Variants in DCC observed in about 807,000 individuals in gnomAD.
The protein encoded by DCC is DCC netrin 1 receptor, also known as netrin receptor DCC.
In DCC, 58 loss-of-function variants were observed where a neutral mutation model predicts 172.5. The ratio of observed to expected loss-of-function variants is 0.34; its 90% CI spans 0.27 to 0.42. The LOEUF is 0.42. DCC is among the 10% of genes least tolerant of loss of function. DCC has a pLI of 1.00. For missense variants in DCC, 1,740 were observed against 1,791.0 expected (o/e 0.97, Z 0.51); for synonymous variants, 709 against 644.5 (o/e 1.10, Z -1.52).
chr18:52,605,583 T>A (rs1183227601), intron 1 of DCC, among the ~76,000 whole-genome samples: 2 of 152,134 alleles, frequency 1.3e-5, no homozygotes, highest in African/African-American at 4.8e-5. Flanking sequence ...GAGAACAGAG[T>A]GTAAAACATT....
At chr18:52,343,051 T>C (rs1983725791) in intron 1 of DCC, among the ~76,000 whole-genome samples, 1 of 152,210 alleles carries the variant, frequency 6.6e-6, no homozygotes, top group Non-Finnish European at 1.5e-5. Context: ...ATCTAAATCT[T>C]TAAACTTTTC....
chr18:53,071,673 A>T (rs1414915882), intron 7 of DCC, among the ~76,000 whole-genome samples: 1 of 152,164 alleles, frequency 6.6e-6, no homozygotes, highest in Non-Finnish European at 1.5e-5. Flanking sequence ...ATTGTTTATT[A>T]ATCTCTCCTT....
intron 2 of DCC, among the ~76,000 whole-genome samples, chr18:52,824,245 C>G (rs755544316): frequency 2.6e-5 from 4 of 152,060 alleles, no homozygotes; most frequent in Non-Finnish European, 5.9e-5. Flanking sequence ...TCCAAAATAA[C>G]TGGAAAGTTA....
intron 27 of DCC, among the ~76,000 whole-genome samples, chr18:53,522,801 C>T (rs180949909): frequency 1.6e-3 from 247 of 152,244 alleles, no homozygotes; most frequent in Non-Finnish European, 3.1e-3. Context: ...AGACCTAAAA[C>T]CATACAAACC....
chr18:53,269,446 C>A (rs8085053), intron 12 of DCC, among the ~76,000 whole-genome samples: 6,563 of 152,066 alleles, frequency 0.043, 427 homozygotes, highest in African/African-American at 0.15. Flanking sequence ...ACTATGACAC[C>A]CCCTCTCCAC....
chr18:52,654,643 G>A (rs894673691), intron 1 of DCC, among the ~76,000 whole-genome samples: 1 of 152,250 alleles, frequency 6.6e-6, no homozygotes, highest in East Asian at 1.9e-4. Context: ...ACCCAAAAAA[G>A]TTAAGGGCTT....
At chr18:53,107,541 G>GAAAAAAA (rs11458727) in intron 7 of DCC, among the ~76,000 whole-genome samples, 2 of 137,550 alleles carry the variant, frequency 1.5e-5, no homozygotes, top group Non-Finnish European at 3.1e-5. Context: ...AAAAAGGAAG[G>GAAAAAAA]AAAAAAAAAA....
chr18:52,449,757 C>T (rs1568175604), intron 1 of DCC, among the ~76,000 whole-genome samples: 1 of 152,154 alleles, frequency 6.6e-6, no homozygotes. Context: ...GGTCTTTTCT[C>T]ATGCTGTTCT....
chr18:52,924,132 T>C (rs1214856883), intron 4 of DCC, among the ~76,000 whole-genome samples: 8 of 152,164 alleles, frequency 5.3e-5, no homozygotes, highest in Non-Finnish European at 8.8e-5. Flanking sequence ...CAAAGAGTCT[T>C]CAGCAGAGAA....
intron 1 of DCC, among the ~76,000 whole-genome samples, chr18:52,625,213 T>C (rs2034551521): frequency 6.6e-6 from 1 of 152,218 alleles, no homozygotes; most frequent in Non-Finnish European, 1.5e-5. Flanking sequence ...GAAAATGTCA[T>C]TATGTAGCAT....
At position 52,953,669 on chromosome 18, in the gene DCC, A is replaced by C. The variant is rs2040694361; in HGVS notation, c.985+28299A>C. On this transcript the variant is annotated intron_variant, in intron 5 of 28. Transcript: ENST00000442544. ...TACGGCAGGCAGAAAGCTTCCTGCCAGGCGGTTATATTTACCACACAAATT... is the reference window on the plus strand; with the variant it reads ...TACGGCAGGCAGAAAGCTTCCTGCCCGGCGGTTATATTTACCACACAAATT... Among the ~76,000 whole-genome samples the C allele has an allele frequency of 2.0e-5, 3 of 152,234 alleles. No homozygotes were observed. In the South Asian group the frequency reaches 6.2e-4, roughly 31 times the overall value.
At chr18:52,605,917 C>T (rs563820877) in intron 1 of DCC, among the ~76,000 whole-genome samples, 3 of 151,982 alleles carry the variant, frequency 2.0e-5, no homozygotes, top group East Asian at 3.9e-4. Context: ...GAGTAATTGT[C>T]GTATCAATTA....
intron 2 of DCC, among the ~76,000 whole-genome samples, chr18:52,782,742 G>T (rs2145189115): frequency 6.6e-6 from 1 of 151,990 alleles, no homozygotes. Context: ...AACCTCTCTT[G>T]TTCCTCTCTA....
chr18:52,551,003 G>A (rs878871616), intron 1 of DCC, among the ~76,000 whole-genome samples: 2 of 152,022 alleles, frequency 1.3e-5, no homozygotes, highest in Non-Finnish European at 2.9e-5. Context: ...ATGTGCAGAT[G>A]TTAGGGACAA....
At chr18:53,396,842 G>T (rs902478562) in intron 17 of DCC, among the ~76,000 whole-genome samples, 2 of 152,068 alleles carry the variant, frequency 1.3e-5, no homozygotes, top group East Asian at 3.9e-4. Context: ...AATGAATTAA[G>T]TTCAATGCAG....
rs531463487 is a variant in DCC at position 53,361,911 on chromosome 18, G to A, written c.2359+22004G>A. Among the ~76,000 whole-genome samples, 13 of 152,196 alleles carry A rather than the reference G, an allele frequency of 8.5e-5. 1 individual carries two copies. The highest frequency in any genetic ancestry group is 2.4e-4 in the African/African-American group (10 of 41,518). On this transcript the variant is annotated intron_variant, in intron 15 of 28. Transcript: ENST00000442544. ...TCTTTATGATAATCTAGTTCGCAAG[G>A]CTTGCACAACAATCATTTCTGAGCA...
At chr18:53,465,456 T>C (rs1037871287) in intron 24 of DCC, among the ~76,000 whole-genome samples, 3 of 152,166 alleles carry the variant, frequency 2.0e-5, no homozygotes, top group African/African-American at 7.2e-5. Context: ...GTCATTTGAA[T>C]TGTTTTACCC....
At chr18:53,047,889 T>C (rs2042278338) in intron 5 of DCC, among the ~76,000 whole-genome samples, 1 of 148,200 alleles carries the variant, frequency 6.7e-6, no homozygotes, top group South Asian at 2.1e-4. Context: ...TTTTCTTTTG[T>C]GTTTTCCTTC....
intron 1 of DCC, among the ~76,000 whole-genome samples, chr18:52,432,706 A>G (rs1987666057): frequency 6.6e-6 from 1 of 152,178 alleles, no homozygotes; most frequent in East Asian, 1.9e-4. Flanking sequence ...TTAATACTTG[A>G]TAATCACTTA....
Sources: gnomAD v4.1 joint callset for allele counts (sites outside exome capture counted in the v4.1 genomes callset) on GRCh38, gnomAD v4.1.1 for gene constraint, MANE v1.5 for transcripts, NCBI Gene and HGNC (gene_info 2026-07-23, HGNC 2026-07-21) for gene names.